CPNE4: variants seen among roughly 807,000 people sequenced by gnomAD.
The protein encoded by CPNE4 is copine-4.
In CPNE4, 25 loss-of-function variants were observed where a neutral mutation model predicts 67.9. The observed-to-expected ratio is 0.37, with a 90% CI of 0.27 to 0.51. The LOEUF is 0.51. CPNE4 is among the 20% of genes least tolerant of loss of function. The probability of loss-of-function intolerance (pLI) is 0.93; values close to 1 mark genes in which losing one functional copy is unlikely to be tolerated. For missense variants in CPNE4, 464 were observed against 690.8 expected (o/e 0.67, Z 3.68); for synonymous variants, 242 against 244.9 (o/e 0.99, Z 0.11).
upstream of CPNE4, among the ~76,000 whole-genome samples, chr3:132,036,406 G>T (rs1362818843): frequency 6.6e-6 from 1 of 152,184 alleles, no homozygotes; most frequent in East Asian, 1.9e-4. Flanking sequence ...AGCCCCACCT[G>T]ATCTACACAC....
chr3:131,604,659 A>G (rs1293806762), intron 7 of CPNE4, among the ~76,000 whole-genome samples: 5 of 152,060 alleles, frequency 3.3e-5, no homozygotes, highest in Non-Finnish European at 7.4e-5. Flanking sequence ...ATCGGACTCC[A>G]TGTTCTTCAG....
chr3:131,705,049 CCCTT>C (rs978710863), intron 3 of CPNE4, among the ~76,000 whole-genome samples: 3 of 149,392 alleles, frequency 2.0e-5, no homozygotes, highest in Non-Finnish European at 3.0e-5. Context: ...CTCCCTCCCT[CCCTT>C]CCTACCTTCC....
chr3:131,757,102 A>G (rs1292077437), intron 2 of CPNE4, among the ~76,000 whole-genome samples: 3 of 152,190 alleles, frequency 2.0e-5, no homozygotes, highest in African/African-American at 4.8e-5. Context: ...AATACAGTAA[A>G]TTGGTACCAG....
At chr3:131,863,440 T>C (rs1256215491) in intron 2 of CPNE4, among the ~76,000 whole-genome samples, 1 of 152,252 alleles carries the variant, frequency 6.6e-6, no homozygotes, top group African/African-American at 2.4e-5. Flanking sequence ...GGTTTCGATT[T>C]GCATTTCTCT....
intron 1 of CPNE4, among the ~76,000 whole-genome samples, chr3:132,031,179 T>A (rs2074226279): frequency 6.6e-6 from 1 of 152,244 alleles, no homozygotes; most frequent in Non-Finnish European, 1.5e-5. Flanking sequence ...TCAGTTTTAA[T>A]GCACCAAAGA....
chr3:131,863,044 T>A (rs2086760862), intron 2 of CPNE4, among the ~76,000 whole-genome samples: 1 of 152,006 alleles, frequency 6.6e-6, no homozygotes, highest in Admixed American at 6.6e-5. Flanking sequence ...GAACTCATCA[T>A]TTTTTATGGC....
intron 14 of CPNE4, chr3:131,543,099 C>T (rs971852280): frequency 6.6e-5 from 18 of 274,726 alleles, no homozygotes; most frequent in South Asian, 3.7e-4. Context: ...GACCCTGGGA[C>T]GATCCCTTAA....
chr3:132,022,004 C>T (rs911376617), intron 1 of CPNE4, among the ~76,000 whole-genome samples: 2 of 152,204 alleles, frequency 1.3e-5, no homozygotes, highest in Admixed American at 6.5e-5. Context: ...AGATGATATT[C>T]CCATAGGATT....
intron 2 of CPNE4, among the ~76,000 whole-genome samples, chr3:131,848,972 A>C (rs968445371): frequency 6.6e-6 from 1 of 150,774 alleles, no homozygotes; most frequent in Non-Finnish European, 1.5e-5. Context: ...AAAAAAAAAA[A>C]AAAAAAAAAA....
At chr3:131,574,140 C>A (rs558975938) in intron 10 of CPNE4, among the ~76,000 whole-genome samples, 26 of 152,142 alleles carry the variant, frequency 1.7e-4, no homozygotes, top group African/African-American at 5.8e-4. Flanking sequence ...ATTTTATTTC[C>A]TTTTTTCAAA....
chr3:131,681,722 A>G (rs1400969532), intron 6 of CPNE4, among the ~76,000 whole-genome samples: 1 of 151,982 alleles, frequency 6.6e-6, no homozygotes, highest in Admixed American at 6.6e-5. Flanking sequence ...TTCCACCCTT[A>G]TCTCTTTTTC....
intron 1 of CPNE4, among the ~76,000 whole-genome samples, chr3:131,905,678 A>C (rs1335201545): frequency 6.6e-6 from 1 of 152,176 alleles, no homozygotes; most frequent in East Asian, 1.9e-4. Context: ...ACTTTCTTGT[A>C]TGATTTGCAT....
chr3:131,825,988 C>A (rs1181684821), intron 2 of CPNE4, among the ~76,000 whole-genome samples: 32 of 152,150 alleles, frequency 2.1e-4, no homozygotes, highest in Admixed American at 2.1e-3. Flanking sequence ...TCAGGTCACT[C>A]AGAATTTAGA....
intron 1 of CPNE4, among the ~76,000 whole-genome samples, chr3:131,989,595 A>G (rs2073130656): frequency 7.3e-6 from 1 of 136,888 alleles, no homozygotes; most frequent in Non-Finnish European, 1.7e-5. Context: ...AGATAGAATG[A>G]AATTAATGCT....
intron 1 of CPNE4, among the ~76,000 whole-genome samples, chr3:132,027,585 T>C (rs2074139741): frequency 6.6e-6 from 1 of 152,096 alleles, no homozygotes. Context: ...AATCTGACAA[T>C]GGCTTCTCGG....
intron 7 of CPNE4, among the ~76,000 whole-genome samples, chr3:131,646,435 A>G (rs1218041272): frequency 1.3e-5 from 2 of 152,224 alleles, no homozygotes; most frequent in Admixed American, 1.3e-4. Flanking sequence ...CTCACTATAT[A>G]TAGCAGAAAA....
chr3:131,940,325 T>C (rs2071348895), intron 1 of CPNE4, among the ~76,000 whole-genome samples: 1 of 152,166 alleles, frequency 6.6e-6, no homozygotes, highest in Non-Finnish European at 1.5e-5. Flanking sequence ...GCCAATTATA[T>C]AACTCATGCA....
intron 1 of CPNE4, among the ~76,000 whole-genome samples, chr3:131,910,733 C>G (rs2088944563): frequency 6.6e-6 from 1 of 152,130 alleles, no homozygotes; most frequent in Non-Finnish European, 1.5e-5. Flanking sequence ...CATTATCAGT[C>G]AACACTTGGA....
rs1560618575 is a variant in CPNE4 at position 131,929,590 on chromosome 3, GAAAT to G, written c.-1-24150_-1-24147del. Among the ~76,000 whole-genome samples the G allele has an allele frequency of 1.6e-3, 242 of 151,636 alleles. 1 individual carries two copies. The highest frequency in any genetic ancestry group is 6.9e-3 in the Middle Eastern group (2 of 290). ...TAGACAGTGCCCTTGGCCTCCAAGG[GAAAT>G]CCCTCACAGATCTGCAAGGATCTGC... On this transcript the variant is annotated intron_variant, in intron 1 of 15. Transcript: ENST00000429747.
Sources: gnomAD v4.1 joint callset for allele counts (sites outside exome capture counted in the v4.1 genomes callset) on GRCh38, gnomAD v4.1.1 for gene constraint, MANE v1.5 for transcripts, NCBI Gene and HGNC (gene_info 2026-07-23, HGNC 2026-07-21) for gene names.